BCL7A: variants seen among roughly 807,000 people sequenced by gnomAD.
BCL7A encodes B-cell CLL/lymphoma 7 protein family member A.
In BCL7A, 11 loss-of-function variants were observed where a neutral mutation model predicts 28.4. The ratio of observed to expected loss-of-function variants is 0.39; its 90% CI spans 0.24 to 0.64. BCL7A has a LOEUF of 0.64. Ranked by LOEUF, BCL7A falls within the 30% of genes least tolerant of loss-of-function variation. The probability of loss-of-function intolerance (pLI) is 0.50; values close to 1 mark genes in which losing one functional copy is unlikely to be tolerated. For missense variants in BCL7A, 222 were observed against 274.8 expected, an observed-to-expected ratio of 0.81 and a Z score of 1.36; for synonymous variants, 123 against 103.3, an observed-to-expected ratio of 1.19 and a Z score of -1.15.
chr12:122,039,295 TA>T (rs138531459), intron 3 of BCL7A, among the ~76,000 whole-genome samples: 4,909 of 142,620 alleles, frequency 0.034, 289 homozygotes, highest in African/African-American at 0.12. Context: ...AGACTCAGTC[TA>T]AAAAAAAATA....
intron 4 of BCL7A, among the ~76,000 whole-genome samples, chr12:122,044,704 T>C (rs1390489264): frequency 6.6e-6 from 1 of 151,804 alleles, no homozygotes; most frequent in Non-Finnish European, 1.5e-5. Context: ...CATGTGCCTG[T>C]GGTCCCAGCT....
intron 1 of BCL7A, among the ~76,000 whole-genome samples, chr12:122,024,915 A>G (rs1486565014): frequency 1.3e-5 from 2 of 151,978 alleles, no homozygotes; most frequent in African/African-American, 2.4e-5. Context: ...CCTCAGCCCT[A>G]GTGACCCCTA....
At chr12:122,023,157 G>A (rs1257687157) in intron 1 of BCL7A, among the ~76,000 whole-genome samples, 1 of 152,210 alleles carries the variant, frequency 6.6e-6, no homozygotes, top group Non-Finnish European at 1.5e-5. Flanking sequence ...GCTCGGAATC[G>A]GCCCCTGGGC....
intron 1 of BCL7A, among the ~76,000 whole-genome samples, chr12:122,025,347 C>T (rs994289268): frequency 4.6e-5 from 7 of 151,964 alleles, no homozygotes; most frequent in Non-Finnish European, 7.4e-5. Context: ...AAAAAAGAGC[C>T]GGGCGCGGTG....
intron 4 of BCL7A, among the ~76,000 whole-genome samples, chr12:122,048,350 G>A: frequency 6.6e-6 from 1 of 152,172 alleles, no homozygotes; most frequent in East Asian, 1.9e-4. Flanking sequence ...CCCTCATGGG[G>A]CTTTTGAGTT....
At position 122,061,341 on chromosome 12, in the gene BCL7A, C is replaced by T. The variant is rs756380008; in HGVS notation, c.*2178C>T. ...AGGTGAGGACTCAGACGACGTCCAC[C>T]GTCCCAAGGCTGTCACTAGTATTTC... is the stretch of plus-strand genomic sequence containing the variant. On this transcript the variant is annotated 3_prime_UTR_variant, in exon 6 of 6. Transcript: ENST00000261822. 1 of 231,004 alleles carries T rather than the reference C, an allele frequency of 4.3e-6. No individual in the cohort carries two copies. Among genetic ancestry groups the T allele is most frequent in the Non-Finnish European group, 8.6e-6 (1 of 116,636 alleles). The allele number at this position is 231,004 out of a possible 1,614,324, so 14.3% of individuals were successfully genotyped here.
At chr12:122,050,321 T>C (rs1884165817) in intron 4 of BCL7A, among the ~76,000 whole-genome samples, 1 of 151,808 alleles carries the variant, frequency 6.6e-6, no homozygotes, top group Admixed American at 6.6e-5. Flanking sequence ...ATCCTGTGCA[T>C]TGTGGGACAT....
intron 1 of BCL7A, among the ~76,000 whole-genome samples, chr12:122,024,293 C>T (rs979859179): frequency 1.3e-5 from 2 of 152,284 alleles, no homozygotes; most frequent in East Asian, 1.9e-4. Flanking sequence ...ACTTCTCTAA[C>T]CATGGTGACC....
chr12:122,032,375 C>T (rs1212679822), intron 2 of BCL7A, among the ~76,000 whole-genome samples: 2 of 152,238 alleles, frequency 1.3e-5, no homozygotes, highest in Non-Finnish European at 2.9e-5. Context: ...TTCCTGGCTC[C>T]GGCCCATGTC....
intron 4 of BCL7A, among the ~76,000 whole-genome samples, chr12:122,053,810 T>G (rs1337845298): frequency 3.3e-5 from 5 of 151,964 alleles, no homozygotes; most frequent in Admixed American, 3.3e-4. Context: ...GATTCCTTGA[T>G]GGAATGGTGT....
intron 4 of BCL7A, among the ~76,000 whole-genome samples, chr12:122,045,684 T>C (rs1344823667): frequency 6.6e-6 from 1 of 152,142 alleles, no homozygotes; most frequent in Non-Finnish European, 1.5e-5. Flanking sequence ...TTGGCAATTG[T>C]TGGCTTTTGG....
intron 2 of BCL7A, among the ~76,000 whole-genome samples, chr12:122,031,426 C>G (rs1254550057): frequency 6.6e-6 from 1 of 152,176 alleles, no homozygotes; most frequent in Non-Finnish European, 1.5e-5. Flanking sequence ...GTTCTCCCCA[C>G]CTTTGTGGTT....
intron 1 of BCL7A, among the ~76,000 whole-genome samples, chr12:122,027,648 G>A (rs1875744262): frequency 6.6e-6 from 1 of 152,126 alleles, no homozygotes; most frequent in Admixed American, 6.6e-5. Context: ...TGTCAGCCTG[G>A]CCAACATGGT....
At chr12:122,057,751 C>T (rs1455552147) in intron 5 of BCL7A, among the ~76,000 whole-genome samples, 1 of 152,178 alleles carries the variant, frequency 6.6e-6, no homozygotes, top group Non-Finnish European at 1.5e-5. Context: ...CAACTACAGA[C>T]CCTTTCCCCC....
intron 2 of BCL7A, 43 bp from the exon 3 acceptor site, chr12:122,035,288 A>T: frequency 6.4e-7 from 1 of 1,564,536 alleles, no homozygotes; most frequent in Non-Finnish European, 8.8e-7. Context: ...GTGCGCACAC[A>T]CATGATCTGG....
At chr12:122,042,044 C>A (rs1165120431) in intron 3 of BCL7A, among the ~76,000 whole-genome samples, 1 of 152,184 alleles carries the variant, frequency 6.6e-6, no homozygotes, top group African/African-American at 2.4e-5. Flanking sequence ...CCACCGCACT[C>A]CAGCCTGGGT....
intron 1 of BCL7A, among the ~76,000 whole-genome samples, chr12:122,023,806 C>A (rs137955008): frequency 6.6e-6 from 1 of 152,300 alleles, no homozygotes; most frequent in Non-Finnish European, 1.5e-5. Context: ...TGTGGGATTC[C>A]CCGCGGGAAG....
Position 122,029,572 on chromosome 12 carries a change from C to T in BCL7A, c.93-1128C>T, listed in dbSNP as rs902059515. Among the ~76,000 whole-genome samples, 5 of 152,190 alleles carry T rather than the reference C, an allele frequency of 3.3e-5. No homozygotes were observed. The highest frequency in any genetic ancestry group is 2.4e-5 in the African/African-American group (1 of 41,434). ...TTGCTGAGGACTCGGGCAGCTACGT[C>T]GCCTGTACCAGGGGTGCGCCTGCCC... On this transcript the variant is annotated intron_variant, in intron 1 of 5. Transcript: ENST00000261822. The surrounding 1 kb of genome is among the most constrained non-coding windows in gnomAD (Gnocchi z 4.3).
chr12:122,031,427 C>G (rs1324221968), intron 2 of BCL7A, among the ~76,000 whole-genome samples: 4 of 152,178 alleles, frequency 2.6e-5, no homozygotes, highest in Non-Finnish European at 5.9e-5. Flanking sequence ...TTCTCCCCAC[C>G]TTTGTGGTTC....
Sources: allele counts gnomAD v4.1 joint callset (sites outside exome capture counted in the v4.1 genomes callset), GRCh38; gene constraint gnomAD v4.1.1; non-coding constraint Gnocchi (gnomAD v3.1); transcripts MANE v1.5; gene names NCBI Gene and HGNC (gene_info 2026-07-23, HGNC 2026-07-21).